Variants in DIAPH3 observed in about 807,000 individuals in gnomAD.
DIAPH3 encodes the protein diaphanous related formin 3.
A neutral mutation model predicts 144.3 loss-of-function variants in DIAPH3; 117 were observed. That is an observed-to-expected ratio of 0.81 (90% confidence interval 0.70 to 0.95). The LOEUF is 0.95. Ranked by LOEUF, DIAPH3 falls within the 40% of genes least tolerant of loss-of-function variation. The pLI is 0.00. For missense variants in DIAPH3, 1,421 were observed against 1,412.7 expected (o/e 1.01, Z -0.09); for synonymous variants, 519 against 488.9 (o/e 1.06, Z -0.81).
intron 18 of DIAPH3, among the ~76,000 whole-genome samples, chr13:59,922,041 A>G (rs1330442068): frequency 1.3e-5 from 2 of 152,092 alleles, no homozygotes; most frequent in Non-Finnish European, 2.9e-5. Context: ...TAGGTATAGA[A>G]GAAATGTGTC....
intron 11 of DIAPH3, 88 bp downstream of exon 11, chr13:59,991,980 G>C: frequency 9.8e-7 from 1 of 1,024,772 alleles, no homozygotes; most frequent in Admixed American, 1.7e-5. Flanking sequence ...TGTTTATATA[G>C]AAATGAGCTA....
At chr13:59,994,287 A>G (rs1007948374) in intron 9 of DIAPH3, among the ~76,000 whole-genome samples, 14 of 151,972 alleles carry the variant, frequency 9.2e-5, no homozygotes, top group African/African-American at 3.4e-4. Flanking sequence ...GTATGCACTA[A>G]AATGCATTGT....
At chr13:59,795,541 G>A (rs374861828) in intron 25 of DIAPH3, among the ~76,000 whole-genome samples, 8 of 149,312 alleles carry the variant, frequency 5.4e-5, no homozygotes, top group African/African-American at 2.0e-4. Context: ...TGCGAGCTCC[G>A]CCTCCGGGTT....
chr13:60,137,202 G>A, intron 1 of DIAPH3, among the ~76,000 whole-genome samples: 1 of 152,070 alleles, frequency 6.6e-6, no homozygotes, highest in East Asian at 1.9e-4. Flanking sequence ...AATTGAAAGA[G>A]AAAAAAAGCC....
chr13:59,828,007 C>A (rs1177740554), intron 24 of DIAPH3, among the ~76,000 whole-genome samples: 1 of 151,904 alleles, frequency 6.6e-6, no homozygotes, highest in Non-Finnish European at 1.5e-5. Context: ...GAATCTAAAA[C>A]CAGTCACAAA....
intron 4 of DIAPH3, among the ~76,000 whole-genome samples, chr13:60,087,460 T>A (rs1237123062): frequency 1.3e-5 from 2 of 152,222 alleles, no homozygotes; most frequent in East Asian, 3.8e-4. Flanking sequence ...CAAGAAACTA[T>A]AATTCTACAC....
chr13:60,006,321 T>C (rs965715985), intron 9 of DIAPH3, among the ~76,000 whole-genome samples: 1 of 152,192 alleles, frequency 6.6e-6, no homozygotes, highest in African/African-American at 2.4e-5. Context: ...ATTATTTATC[T>C]CTTCCCTTAC....
intron 27 of DIAPH3, among the ~76,000 whole-genome samples, chr13:59,689,712 G>A (rs1471878396): frequency 1.3e-5 from 2 of 151,872 alleles, no homozygotes; most frequent in Non-Finnish European, 2.9e-5. Context: ...AGGGTGGAAA[G>A]ATTTGGCAGA....
intron 1 of DIAPH3, among the ~76,000 whole-genome samples, chr13:60,156,918 C>CATATATATATATATAT (rs1233542016): frequency 5.4e-5 from 3 of 55,676 alleles, no homozygotes; most frequent in African/African-American, 2.4e-4. Context: ...CCAGATCCTT[C>CATATATATATATATAT]ATATATATAT....
At chr13:60,106,130 T>C (rs2058413991) in intron 3 of DIAPH3, among the ~76,000 whole-genome samples, 1 of 152,152 alleles carries the variant, frequency 6.6e-6, no homozygotes, top group Middle Eastern at 3.2e-3. Flanking sequence ...TTTTTATCGG[T>C]TCACCTGAGC....
At chr13:59,747,695 A>G (rs1274795790) in intron 27 of DIAPH3, among the ~76,000 whole-genome samples, 1 of 152,136 alleles carries the variant, frequency 6.6e-6, no homozygotes, top group Non-Finnish European at 1.5e-5. Flanking sequence ...ACATCCTACT[A>G]TAGAGGCACT....
intron 2 of DIAPH3, among the ~76,000 whole-genome samples, chr13:60,118,252 T>G (rs967320659): frequency 5.9e-5 from 9 of 152,134 alleles, no homozygotes; most frequent in South Asian, 2.1e-4. Context: ...CTATCTGAAT[T>G]TTTAGCTATA....
intron 17 of DIAPH3, among the ~76,000 whole-genome samples, chr13:59,941,508 T>C (rs2048531987): frequency 6.6e-6 from 1 of 152,176 alleles, no homozygotes; most frequent in Non-Finnish European, 1.5e-5. Flanking sequence ...AGGGTATTTG[T>C]GGCCAGCTTC....
chr13:59,963,525 C>T lies in DIAPH3; in HGVS notation c.2074+6419G>A, dbSNP rs577041339. Among the ~76,000 whole-genome samples the T allele has an allele frequency of 7.6e-4, 115 of 152,030 alleles. 1 individual carries two copies. The South Asian group carries it at 0.012, about 16-fold the overall frequency. On this transcript the variant is annotated intron_variant, in intron 17 of 27. Coordinates refer to ENST00000400324, the MANE Select transcript of DIAPH3 (RefSeq NM_001042517.2). The stretch of plus-strand genomic sequence containing the variant: ...AGAAGTCCTCTGTATCTACTTCTGA[C>T]TCTCCTATCTTGACCCTATTCTCTT...
intron 12 of DIAPH3, 124 bp downstream of exon 12, chr13:59,991,034 C>G: frequency 1.6e-6 from 1 of 639,414 alleles, no homozygotes; most frequent in African/African-American, 1.8e-5. Context: ...ACAACACATT[C>G]TATGAATCAG....
At chr13:59,809,174 A>C (rs947368002) in intron 25 of DIAPH3, among the ~76,000 whole-genome samples, 4 of 152,204 alleles carry the variant, frequency 2.6e-5, no homozygotes, top group Admixed American at 2.0e-4. Context: ...GCCATCTAGC[A>C]ACTCATCTAG....
At chr13:59,861,938 A>G (rs2043617172) in intron 21 of DIAPH3, among the ~76,000 whole-genome samples, 2 of 152,230 alleles carry the variant, frequency 1.3e-5, no homozygotes, top group East Asian at 3.8e-4. Flanking sequence ...CAAATAAAAC[A>G]TAGACTTTCC....
intron 27 of DIAPH3, among the ~76,000 whole-genome samples, chr13:59,705,770 T>A (rs1301327418): frequency 6.6e-6 from 1 of 152,196 alleles, no homozygotes; most frequent in Non-Finnish European, 1.5e-5. Context: ...ATATTGGGAA[T>A]ATAGGGAAAT....
intron 20 of DIAPH3, among the ~76,000 whole-genome samples, chr13:59,889,756 T>C (rs961274577): frequency 2.0e-5 from 3 of 152,118 alleles, no homozygotes; most frequent in African/African-American, 7.2e-5. Flanking sequence ...ATTTGAGCAG[T>C]CAAATCAATC....
Sources: gnomAD v4.1 joint callset for allele counts (sites outside exome capture counted in the v4.1 genomes callset) on GRCh38, gnomAD v4.1.1 for gene constraint, MANE v1.5 for transcripts, NCBI Gene and HGNC (gene_info 2026-07-23, HGNC 2026-07-21) for gene names.